Variants in RELN observed in about 807,000 individuals in gnomAD.
The protein encoded by RELN is reelin.
RELN carries 108 observed loss-of-function variants against 427.6 expected under a neutral mutation model. The observed-to-expected ratio is 0.25, with a 90% CI of 0.22 to 0.30. The LOEUF is 0.30. RELN is among the 10% of genes least tolerant of loss of function. RELN has a pLI of 1.00. For missense variants in RELN, 3,715 were observed against 4,302.8 expected, an observed-to-expected ratio of 0.86 and a Z score of 3.82; for synonymous variants, 1,524 against 1,513.4, an observed-to-expected ratio of 1.01 and a Z score of -0.16.
chr7:103,911,025 C>T (rs1356182381), intron 2 of RELN, among the ~76,000 whole-genome samples: 1 of 140,738 alleles, frequency 7.1e-6, no homozygotes, highest in Non-Finnish European at 1.5e-5. Flanking sequence ...AACTAAAGAG[C>T]TTCTGCACAG....
chr7:103,669,111 T>C (rs1833334633), intron 11 of RELN, among the ~76,000 whole-genome samples: 1 of 152,202 alleles, frequency 6.6e-6, no homozygotes, highest in African/African-American at 2.4e-5. Flanking sequence ...AATCTTTATT[T>C]AAGTCTGACA....
At chr7:103,818,561 T>C (rs879910625) in intron 3 of RELN, among the ~76,000 whole-genome samples, 3 of 152,202 alleles carry the variant, frequency 2.0e-5, no homozygotes, top group Non-Finnish European at 4.4e-5. Context: ...TCTTAGCTTT[T>C]AATTTTATCA....
intron 41 of RELN, among the ~76,000 whole-genome samples, chr7:103,549,446 A>G (rs959384759): frequency 2.0e-5 from 3 of 152,216 alleles, no homozygotes; most frequent in African/African-American, 7.2e-5. Context: ...CATTACCTTC[A>G]GGGGAATGAA....
At chr7:103,662,514 C>T (rs1051164854) in intron 11 of RELN, among the ~76,000 whole-genome samples, 1 of 149,056 alleles carries the variant, frequency 6.7e-6, no homozygotes, top group African/African-American at 2.5e-5. Context: ...CCCAGCTACT[C>T]GGGAGGCTGA....
chr7:103,730,879 T>A (rs1217702403), intron 6 of RELN, among the ~76,000 whole-genome samples: 1 of 152,116 alleles, frequency 6.6e-6, no homozygotes, highest in African/African-American at 2.4e-5. Flanking sequence ...TAGATGCCAA[T>A]GGTGTTATTT....
At chr7:103,495,933 A>T in intron 56 of RELN, 35 bp from the exon 57 acceptor site, 1 of 1,608,888 alleles carries the variant, frequency 6.2e-7, no homozygotes, top group Non-Finnish European at 8.5e-7. Context: ...ATGGCATATT[A>T]TTCTCTTGAG....
intron 63 of RELN, among the ~76,000 whole-genome samples, chr7:103,479,358 A>T (rs1828147599): frequency 6.6e-6 from 1 of 152,206 alleles, no homozygotes; most frequent in African/African-American, 2.4e-5. Context: ...AATTCAGAGA[A>T]ATTAGGTTTC....
Position 103,636,412 on chromosome 7 carries a change from AT to A in RELN, c.2125del (p.Met709CysfsTer49), listed in dbSNP as rs1832581635. On this transcript the variant is annotated frameshift_variant, in exon 18 of 65. Coordinates refer to ENST00000428762, the MANE Select transcript of RELN (RefSeq NM_005045.4). LOFTEE classifies it high-confidence loss of function. ...ACTGCCAAAGCTTTCAGAAATAAAC[AT>A]TGGGAATGTCTGGGATGCCATCTCA... ...ACEMASQTFPMFISESFGSSR... is the reference protein window; with the variant it reads ...ACEMASQTFPXFISESFGSSR... 1 of 1,613,930 alleles carries A rather than the reference AT, an allele frequency of 6.2e-7. No individual in the cohort carries two copies. The highest frequency in any genetic ancestry group is 8.5e-7 in the Non-Finnish European group (1 of 1,179,956).
At chr7:103,901,284 A>G (rs1025858733) in intron 2 of RELN, among the ~76,000 whole-genome samples, 6 of 152,084 alleles carry the variant, frequency 3.9e-5, no homozygotes, top group African/African-American at 1.4e-4. Flanking sequence ...GGAGAAACTG[A>G]ACCTCTCATA....
chr7:103,834,227 T>C (rs1416972296), intron 2 of RELN, among the ~76,000 whole-genome samples: 1 of 152,216 alleles, frequency 6.6e-6, no homozygotes, highest in Admixed American at 6.5e-5. Flanking sequence ...TAGTTTGTTG[T>C]TGCTGTTTTA....
At chr7:103,965,637 C>T (rs564968712) in intron 1 of RELN, among the ~76,000 whole-genome samples, 7 of 152,164 alleles carry the variant, frequency 4.6e-5, no homozygotes, top group Admixed American at 4.6e-4. Flanking sequence ...GAAAATTAAC[C>T]TTGACACTAG....
chr7:103,655,900 T>A (rs536754118), intron 12 of RELN, among the ~76,000 whole-genome samples: 3 of 152,102 alleles, frequency 2.0e-5, no homozygotes, highest in Non-Finnish European at 4.4e-5. Flanking sequence ...CCCATAAACA[T>A]TGATTATTCC....
intron 17 of RELN, among the ~76,000 whole-genome samples, chr7:103,639,832 C>T (rs1044195274): frequency 6.6e-6 from 1 of 152,030 alleles, no homozygotes; most frequent in African/African-American, 2.4e-5. Context: ...CTGTTGAACA[C>T]TTATCTTTAT....
intron 6 of RELN, among the ~76,000 whole-genome samples, chr7:103,743,030 C>G (rs1024871361): frequency 5.3e-5 from 8 of 150,072 alleles, no homozygotes; most frequent in Non-Finnish European, 1.0e-4. Context: ...GGGTTACCCA[C>G]AAAGGGAAGC....
intron 1 of RELN, among the ~76,000 whole-genome samples, chr7:103,928,547 G>T (rs1795794095): frequency 6.6e-6 from 1 of 152,176 alleles, no homozygotes; most frequent in African/African-American, 2.4e-5. Flanking sequence ...CAGCTCTTAG[G>T]AAACAGAATT....
At chr7:103,619,940 G>A (rs918882957) in intron 20 of RELN, among the ~76,000 whole-genome samples, 1 of 152,120 alleles carries the variant, frequency 6.6e-6, no homozygotes, top group African/African-American at 2.4e-5. Flanking sequence ...CCACTAATGT[G>A]GGAATGAAGG....
At chr7:103,973,640 A>G (rs1390759931) in intron 1 of RELN, among the ~76,000 whole-genome samples, 1 of 152,152 alleles carries the variant, frequency 6.6e-6, no homozygotes, top group Non-Finnish European at 1.5e-5. Context: ...AAACACCTGA[A>G]ATGTGAAATA....
intron 3 of RELN, among the ~76,000 whole-genome samples, chr7:103,811,139 G>T (rs1792732864): frequency 6.6e-6 from 1 of 152,008 alleles, no homozygotes; most frequent in Non-Finnish European, 1.5e-5. Context: ...ACTACTTAAG[G>T]CATATACGAA....
chr7:103,923,029 ATTTCTTGATTTTG>A (rs1238751975), intron 1 of RELN, among the ~76,000 whole-genome samples: 2 of 152,062 alleles, frequency 1.3e-5, no homozygotes, highest in African/African-American at 4.8e-5. Flanking sequence ...CAAAGTTTCC[ATTTCTTGATTTTG>A]TATATTCTGA....
Sources: allele counts gnomAD v4.1 joint callset (sites outside exome capture counted in the v4.1 genomes callset), GRCh38; gene constraint gnomAD v4.1.1; transcripts MANE v1.5; gene names NCBI Gene and HGNC (gene_info 2026-07-23, HGNC 2026-07-21).